Variants in SPAG9 observed in about 807,000 individuals in gnomAD.
SPAG9 encodes the protein sperm associated antigen 9, also known as C-Jun-amino-terminal kinase-interacting protein 4.
A neutral mutation model predicts 166.5 loss-of-function variants in SPAG9; 35 were observed. That is an observed-to-expected ratio of 0.21 (90% confidence interval 0.16 to 0.28). The LOEUF (loss-of-function observed/expected upper bound fraction) is 0.28. Among genes scored for constraint, SPAG9 ranks in the 10% least tolerant of loss-of-function variants. The probability of loss-of-function intolerance (pLI) is 1.00; values close to 1 mark genes in which losing one functional copy is unlikely to be tolerated. For missense variants in SPAG9, 1,235 were observed against 1,603.3 expected, an observed-to-expected ratio of 0.77 and a Z score of 3.92; for synonymous variants, 534 against 565.5, an observed-to-expected ratio of 0.94 and a Z score of 0.79.
intron 2 of SPAG9, among the ~76,000 whole-genome samples, chr17:51,074,220 A>G (rs1214030906): frequency 6.6e-6 from 1 of 151,534 alleles, no homozygotes; most frequent in Non-Finnish European, 1.5e-5. Flanking sequence ...TGGGCGACAG[A>G]GCGAGACTCC....
intron 4 of SPAG9, among the ~76,000 whole-genome samples, chr17:51,046,005 T>C (rs1326236471): frequency 4.6e-5 from 7 of 152,146 alleles, no homozygotes; most frequent in Admixed American, 4.6e-4. Flanking sequence ...AGGAGGAAAA[T>C]ATTTAAATTG....
At chr17:51,003,065 C>A (rs141320491) in intron 12 of SPAG9, among the ~76,000 whole-genome samples, 1 of 151,536 alleles carries the variant, frequency 6.6e-6, no homozygotes, top group African/African-American at 2.4e-5. Flanking sequence ...GAGACCCTGG[C>A]TCTACAAAAA....
intron 1 of SPAG9, among the ~76,000 whole-genome samples, chr17:51,103,675 C>T (rs2048865911): frequency 6.6e-6 from 1 of 152,120 alleles, no homozygotes; most frequent in South Asian, 2.1e-4. Flanking sequence ...TCTGTATTCT[C>T]AGCATTTTGA....
At chr17:51,055,261 G>A (rs2047331126) in intron 3 of SPAG9, among the ~76,000 whole-genome samples, 1 of 152,042 alleles carries the variant, frequency 6.6e-6, no homozygotes, top group Admixed American at 6.6e-5. Flanking sequence ...GCTGAGGGAG[G>A]AGAATCGCTT....
chr17:51,041,384 A>G, intron 5 of SPAG9, 117 bp downstream of exon 5: 1 of 927,854 alleles, frequency 1.1e-6, no homozygotes, highest in South Asian at 2.6e-5. Flanking sequence ...CCAATTTTAC[A>G]AACTAAATGT....
At chr17:50,972,877 A>G (rs72842239) in intron 28 of SPAG9, among the ~76,000 whole-genome samples, 3,566 of 152,350 alleles carry the variant, frequency 0.023, 64 homozygotes, top group Non-Finnish European at 0.036. Context: ...GAATGGTTTA[A>G]TCTTTAGGGC....
intron 6 of SPAG9, among the ~76,000 whole-genome samples, chr17:51,023,674 T>C (rs1467331801): frequency 3.3e-5 from 5 of 152,142 alleles, no homozygotes; most frequent in Non-Finnish European, 7.3e-5. Context: ...AATTCTTCTT[T>C]TTTTTCTAAG....
chr17:50,990,034 T>C (rs1203483761), intron 20 of SPAG9, 162 bp from the exon 21 acceptor site: 1 of 658,102 alleles, frequency 1.5e-6, no homozygotes, highest in East Asian at 2.8e-5. Flanking sequence ...TTACAGCATT[T>C]TTTTTTTTTT....
In SPAG9 at chr17:50,964,666, C is replaced by A; in HGVS notation, c.*1606G>T. 2.3e-6 allele frequency: 1 copy of A among 430,490 alleles called. No homozygotes were observed. The highest frequency in any genetic ancestry group is 4.7e-6 in the Non-Finnish European group (1 of 213,376). 26.7% of individuals were successfully genotyped at this position (430,490 alleles called of 1,614,324 possible). A position where few individuals can be genotyped will look rare whatever the true frequency, so the allele number is the denominator to read the frequency against. ...GGGTAAATCACACATTTTCAAGAAG[C>A]TTGAGAGGGAAAAAATTGCAGCATC... On this transcript the variant is annotated 3_prime_UTR_variant, in exon 30 of 30. Transcript: ENST00000262013.
chr17:51,098,323 TG>T (rs989169457), intron 1 of SPAG9, among the ~76,000 whole-genome samples: 3 of 133,800 alleles, frequency 2.2e-5, no homozygotes, highest in African/African-American at 8.1e-5. Flanking sequence ...AGACAGTTCG[TG>T]GTTTTTTTTT....
chr17:51,001,858 G>C lies in SPAG9; in HGVS notation c.1477-13C>G, dbSNP rs376616257. 1 of 1,607,596 alleles carries C rather than the reference G, an allele frequency of 6.2e-7. No individual in the cohort carries two copies. The highest frequency in any genetic ancestry group is 1.1e-5 in the South Asian group (1 of 89,712). On this transcript the variant is annotated splice_polypyrimidine_tract_variant and intron_variant, in intron 12 of 29. Transcript: ENST00000262013. Reference sequence around the variant, plus strand: ...TGGGAATATCACTCTATAATGACAAGAAAATGACATATCATTCTGGAAGCT... The same window carrying C: ...TGGGAATATCACTCTATAATGACAACAAAATGACATATCATTCTGGAAGCT...
At chr17:51,042,215 C>A (rs1451681829) in intron 4 of SPAG9, among the ~76,000 whole-genome samples, 1 of 152,178 alleles carries the variant, frequency 6.6e-6, no homozygotes, top group Non-Finnish European at 1.5e-5. Flanking sequence ...TGTTTTTCTA[C>A]AGAACCACTA....
rs1975812763 is a variant in SPAG9, at chr17:50,993,687, A to G, written c.2398+77T>C. On this transcript the variant is annotated intron_variant, in intron 19 of 29. Transcript: ENST00000262013. Reference sequence around the variant, plus strand: ...TCATGACAGCAAGGTGCAGAACTGCATCTTCAGCTGCTACATCAGTGCCCA... The same window carrying G: ...TCATGACAGCAAGGTGCAGAACTGCGTCTTCAGCTGCTACATCAGTGCCCA... The G allele has an allele frequency of 2.1e-6, 3 of 1,440,508 alleles. No homozygotes were observed. The African/African-American group carries it at 4.2e-5, about 20-fold the overall frequency. The allele number at this position is 1,440,508 out of a possible 1,614,324, so 89.2% of individuals were successfully genotyped here. A position where few individuals can be genotyped will look rare whatever the true frequency, so the allele number is the denominator to read the frequency against.
chr17:50,983,757 T>C (rs1567962246), intron 24 of SPAG9, among the ~76,000 whole-genome samples: 1 of 152,172 alleles, frequency 6.6e-6, no homozygotes, highest in African/African-American at 2.4e-5. Flanking sequence ...GTTACCAAAA[T>C]GCTCTGTGTT....
intron 2 of SPAG9, among the ~76,000 whole-genome samples, chr17:51,077,009 G>GCTATCTATCTAGCTATCTAGCTAT (rs1491203505): frequency 4.3e-5 from 3 of 69,388 alleles, no homozygotes; most frequent in African/African-American, 1.1e-4. Flanking sequence ...TATCTAGCTA[G>GCTATCTATCTAGCTATCTAGCTAT]CTAGCTAGCT....
chr17:50,999,035 TA>T (rs754904631), intron 14 of SPAG9, among the ~76,000 whole-genome samples: 13 of 152,342 alleles, frequency 8.5e-5, no homozygotes, highest in Non-Finnish European at 1.6e-4. Context: ...AAAAACAGCT[TA>T]TTATAATCAA....
chr17:51,110,273 T>C (rs1301566454), intron 1 of SPAG9, among the ~76,000 whole-genome samples: 1 of 151,936 alleles, frequency 6.6e-6, no homozygotes, highest in Non-Finnish European at 1.5e-5. Context: ...TGAATCTATA[T>C]AGTGGGTATA....
chr17:50,999,616 T>G (rs1259162038), intron 14 of SPAG9, 45 bp downstream of exon 14: 1 of 1,535,854 alleles, frequency 6.5e-7, no homozygotes, highest in Non-Finnish European at 8.9e-7. Context: ...ACTGTAATTT[T>G]CTTGTCTCAT....
intron 1 of SPAG9, among the ~76,000 whole-genome samples, chr17:51,081,667 G>A (rs962144767): frequency 4.6e-5 from 7 of 151,072 alleles, no homozygotes; most frequent in Non-Finnish European, 8.9e-5. Flanking sequence ...GCTTGAACTC[G>A]GGAGGCAGAG....
Sources: allele counts gnomAD v4.1 joint callset (sites outside exome capture counted in the v4.1 genomes callset), GRCh38; gene constraint gnomAD v4.1.1; transcripts MANE v1.5; gene names NCBI Gene and HGNC (gene_info 2026-07-23, HGNC 2026-07-21).